NCKAP5: variants seen among roughly 807,000 people sequenced by gnomAD.
The protein encoded by NCKAP5 is nck-associated protein 5.
In NCKAP5, 92 loss-of-function variants were observed where a neutral mutation model predicts 167.0. The ratio of observed to expected loss-of-function variants is 0.55; its 90% CI spans 0.47 to 0.66. The LOEUF (loss-of-function observed/expected upper bound fraction) is 0.66, where lower values mean the gene tolerates loss of function less well. NCKAP5 is among the 30% of genes least tolerant of loss of function. The probability of loss-of-function intolerance (pLI) is 0.00; values close to 1 mark genes in which losing one functional copy is unlikely to be tolerated. For synonymous variants in NCKAP5, 891 were observed against 877.4 expected (o/e 1.02, Z -0.27); for missense variants, 2,378 against 2,315.0 (o/e 1.03, Z -0.56).
chr2:133,076,641 G>T (rs1414785110), intron 6 of NCKAP5, among the ~76,000 whole-genome samples: 1 of 152,188 alleles, frequency 6.6e-6, no homozygotes, highest in Non-Finnish European at 1.5e-5. Context: ...GGCAGCCCCA[G>T]GCTGCATGAA....
chr2:133,310,768 AAG>A (rs1457482733), intron 3 of NCKAP5, among the ~76,000 whole-genome samples: 1 of 152,188 alleles, frequency 6.6e-6, no homozygotes, highest in East Asian at 1.9e-4. Flanking sequence ...AAGTAAGTGA[AAG>A]AGTGAATTAA....
chr2:133,034,415 T>A (rs141626308), intron 6 of NCKAP5, among the ~76,000 whole-genome samples: 4 of 152,134 alleles, frequency 2.6e-5, no homozygotes, highest in African/African-American at 9.6e-5. Context: ...CAATAAATAG[T>A]CATCTGAAGG....
chr2:132,870,632 C>T (rs1051758734), intron 9 of NCKAP5, among the ~76,000 whole-genome samples: 5 of 151,412 alleles, frequency 3.3e-5, no homozygotes, highest in Admixed American at 6.6e-5. Context: ...TTACAGTCAA[C>T]GGGAGACTGA....
intron 1 of NCKAP5, among the ~76,000 whole-genome samples, chr2:133,559,339 T>C (rs906928079): frequency 2.4e-4 from 36 of 152,176 alleles, no homozygotes. Context: ...GCAAAATCGC[T>C]GCTGATTTTT....
chr2:133,286,287 C>T lies in NCKAP5; in HGVS notation c.143+16750G>A, dbSNP rs1046501106. Among the ~76,000 whole-genome samples the T allele has an allele frequency of 7.2e-5, 11 of 152,260 alleles. No individual in the cohort carries two copies. In the East Asian group the frequency reaches 7.7e-4, roughly 11 times the overall value. On this transcript the variant is annotated intron_variant, in intron 4 of 19. Coordinates refer to ENST00000409261, the MANE Select transcript of NCKAP5 (RefSeq NM_207363.3). ...CTGGGATTACAGGCGTGAGACACCA[C>T]GCCCGGCCTCTTCTGTGACTTCTTA...
intron 6 of NCKAP5, among the ~76,000 whole-genome samples, chr2:133,128,890 G>A (rs1003738022): frequency 2.6e-5 from 4 of 151,150 alleles, no homozygotes; most frequent in South Asian, 2.1e-4. Flanking sequence ...GAACCACTGC[G>A]TCTGGCCACA....
chr2:133,671,214 C>CAAAAAA, the NCKAP5 span, among the ~76,000 whole-genome samples: 28 of 53,944 alleles, frequency 5.2e-4, no homozygotes, highest in African/African-American at 1.1e-3. Flanking sequence ...GACTCCGTCT[C>CAAAAAA]AAAAAAAAAA....
At chr2:132,920,761 A>G (rs1251255767) in intron 8 of NCKAP5, among the ~76,000 whole-genome samples, 2 of 77,602 alleles carry the variant, frequency 2.6e-5, no homozygotes, top group East Asian at 4.3e-4. Context: ...ATATATGTAT[A>G]TATATGTATG....
At chr2:133,398,738 T>A (rs1687911844) in intron 3 of NCKAP5, among the ~76,000 whole-genome samples, 1 of 152,062 alleles carries the variant, frequency 6.6e-6, no homozygotes, top group East Asian at 1.9e-4. Flanking sequence ...TAAGGGGTGA[T>A]TGGGAGCATA....
At chr2:132,942,132 T>C (rs1021497306) in intron 8 of NCKAP5, among the ~76,000 whole-genome samples, 1 of 152,244 alleles carries the variant, frequency 6.6e-6, no homozygotes, top group Non-Finnish European at 1.5e-5. Flanking sequence ...TTGATAAACA[T>C]ATCTTAATTG....
At chr2:132,750,149 G>A (rs1242650941) in intron 16 of NCKAP5, among the ~76,000 whole-genome samples, 2 of 152,186 alleles carry the variant, frequency 1.3e-5, no homozygotes, top group African/African-American at 4.8e-5. Flanking sequence ...TTGTATGAAA[G>A]ATGTCAAGGC....
At chr2:132,692,461 A>G (rs943910112) in intron 19 of NCKAP5, among the ~76,000 whole-genome samples, 1 of 152,052 alleles carries the variant, frequency 6.6e-6, no homozygotes, top group Admixed American at 6.5e-5. Flanking sequence ...TTGGAATTAC[A>G]TTACATTTTT....
chr2:132,741,577 A>G (rs919717759), intron 16 of NCKAP5, among the ~76,000 whole-genome samples: 5 of 151,736 alleles, frequency 3.3e-5, no homozygotes, highest in Non-Finnish European at 5.9e-5. Flanking sequence ...AACTCTCCCA[A>G]CTCCTCACAA....
chr2:133,617,942 G>A, the NCKAP5 span, among the ~76,000 whole-genome samples: 1 of 152,058 alleles, frequency 6.6e-6, no homozygotes, highest in Admixed American at 6.6e-5. Flanking sequence ...CATGGTACTG[G>A]TACCAAAACA....
intron 4 of NCKAP5, among the ~76,000 whole-genome samples, chr2:133,218,798 C>T (rs1224653645): frequency 6.6e-6 from 1 of 152,154 alleles, no homozygotes; most frequent in Non-Finnish European, 1.5e-5. Flanking sequence ...ATGTTAGGAA[C>T]ATCACTACTT....
chr2:133,561,764 T>G (rs1427129974), intron 1 of NCKAP5, among the ~76,000 whole-genome samples: 1 of 152,212 alleles, frequency 6.6e-6, no homozygotes, highest in African/African-American at 2.4e-5. Flanking sequence ...CTTGAGAATA[T>G]AACTACTCAC....
chr2:132,949,025 AAAAGAAAAGAAAAGAAAAGAAAAG>A (rs2076096113), intron 8 of NCKAP5, among the ~76,000 whole-genome samples: 1 of 150,330 alleles, frequency 6.7e-6, no homozygotes, highest in African/African-American at 2.5e-5. Flanking sequence ...AAAAGAAAAG[AAAAGAAAAGAAAAGAAAAGAAAAG>A]AAACATGGTG....
intron 16 of NCKAP5, among the ~76,000 whole-genome samples, chr2:132,745,451 C>A (rs1679558443): frequency 6.6e-6 from 1 of 150,556 alleles, no homozygotes; most frequent in South Asian, 2.1e-4. Flanking sequence ...TCACTCTGTA[C>A]AAGTGTAAAA....
chr2:133,313,354 T>A (rs928102319), intron 3 of NCKAP5, among the ~76,000 whole-genome samples: 10 of 151,940 alleles, frequency 6.6e-5, no homozygotes, highest in Non-Finnish European at 1.5e-4. Context: ...AGAAGTTAAG[T>A]TGTATTCTCC....
Sources: gnomAD v4.1 joint callset for allele counts (sites outside exome capture counted in the v4.1 genomes callset) on GRCh38, gnomAD v4.1.1 for gene constraint, MANE v1.5 for transcripts, NCBI Gene and HGNC (gene_info 2026-07-23, HGNC 2026-07-21) for gene names.